Variants in ICE1 observed in about 807,000 individuals in gnomAD.
ICE1 encodes interactor of little elongation complex ELL subunit 1.
A neutral mutation model predicts 192.7 loss-of-function variants in ICE1; 64 were observed. That is an observed-to-expected ratio of 0.33 (90% CI 0.27 to 0.41). The LOEUF (loss-of-function observed/expected upper bound fraction) is 0.41. Among genes scored for constraint, ICE1 ranks in the 10% least tolerant of loss-of-function variants. The pLI, the probability that ICE1 is intolerant of heterozygous loss-of-function variation, is 1.00. For synonymous variants in ICE1, 1,010 were observed against 984.5 expected (o/e 1.03, Z -0.49); for missense variants, 2,708 against 2,696.0 (o/e 1.00, Z -0.10).
At chr5:5,441,731 T>G (rs1738059799) in intron 5 of ICE1, among the ~76,000 whole-genome samples, 1 of 152,180 alleles carries the variant, frequency 6.6e-6, no homozygotes, top group Non-Finnish European at 1.5e-5. Context: ...CCTACTCTCA[T>G]AATTCATAAA....
rs1738815762 is a variant in ICE1, at chr5:5,462,260, G to A, written c.2926G>A (p.Ala976Thr). The A allele has an allele frequency of 6.2e-7, 1 of 1,612,730 alleles. No individual in the cohort carries two copies. The highest frequency in any genetic ancestry group is 8.5e-7 in the Non-Finnish European group (1 of 1,179,138). Residue 976 changes from alanine (A) to threonine (T), a missense_variant, in exon 13 of 19, where the codon GCA becomes ACA. Ala to Thr is a moderately conservative substitution (Grantham distance 58, BLOSUM62 0). Transcript: ENST00000296564. ...IQNQDIVREA[A>T]VQGDGQKQRQ... ...AAACCAAGACATTGTGAGAGAAGCTGCAGTGCAGGGAGATGGGCAGAAGCA... is the reference window on the plus strand; with the variant it reads ...AAACCAAGACATTGTGAGAGAAGCTACAGTGCAGGGAGATGGGCAGAAGCA...
At position 5,486,811 on chromosome 5, in the gene ICE1, A is replaced by G; in HGVS notation, c.6611A>G (p.His2204Arg). ...ATTGGTATGTTTATACAGCATGCTCACGATGAAGGTAAAACTTACATCTAT... is the reference window on the plus strand; with the variant it reads ...ATTGGTATGTTTATACAGCATGCTCGCGATGAAGGTAAAACTTACATCTAT... Reference protein sequence around the residue: ...SVIGMFIQHAHDEDIPWGIQL... With the variant: ...SVIGMFIQHARDEDIPWGIQL... The change falls in exon 18 of 19, where the codon CAC (histidine) becomes CGC (arginine). Residue 2204 changes from histidine (H) to arginine (R), a missense_variant. By Grantham distance (29) the His-to-Arg change is conservative. This residue lies in a region of ICE1 where 342 missense variants were observed against 419.3 expected (regional missense o/e 0.82). Transcript: ENST00000296564. 14 of 1,589,148 alleles carry G rather than the reference A, an allele frequency of 8.8e-6. No homozygotes were observed. The highest frequency in any genetic ancestry group is 1.2e-5 in the Non-Finnish European group (14 of 1,165,554).
At chr5:5,451,137 A>C (rs535399534) in intron 10 of ICE1, among the ~76,000 whole-genome samples, 2 of 152,284 alleles carry the variant, frequency 1.3e-5, no homozygotes, top group African/African-American at 4.8e-5. Context: ...AACTTACCTA[A>C]TAACTAAACT....
At chr5:5,482,558 G>T (rs542886993) in intron 17 of ICE1, among the ~76,000 whole-genome samples, 1 of 152,204 alleles carries the variant, frequency 6.6e-6, no homozygotes, top group African/African-American at 2.4e-5. Flanking sequence ...TGCCACGTGT[G>T]CACAGGTGCA....
intron 7 of ICE1, among the ~76,000 whole-genome samples, chr5:5,445,006 T>A (rs1158743463): frequency 6.6e-6 from 1 of 152,214 alleles, no homozygotes; most frequent in Non-Finnish European, 1.5e-5. Flanking sequence ...ACAAAGGGGC[T>A]CTGCCAGATC....
chr5:5,480,778 G>A (rs1739481911), intron 17 of ICE1, among the ~76,000 whole-genome samples: 1 of 152,126 alleles, frequency 6.6e-6, no homozygotes, highest in Non-Finnish European at 1.5e-5. Context: ...TTACAAAGTA[G>A]ACACCAAATT....
intron 1 of ICE1, among the ~76,000 whole-genome samples, chr5:5,434,264 A>G (rs1002389514): frequency 6.6e-6 from 1 of 152,196 alleles, no homozygotes; most frequent in African/African-American, 2.4e-5. Context: ...CTTTTAAGAC[A>G]AAGACACCTG....
chr5:5,452,163 ATTTTT>A (rs952502832), intron 10 of ICE1, among the ~76,000 whole-genome samples: 1 of 133,124 alleles, frequency 7.5e-6, no homozygotes, highest in African/African-American at 2.8e-5. Context: ...TGTTTGTTCC[ATTTTT>A]TTTTTTTTTT....
Position 5,464,386 on chromosome 5 carries a change from G to T in ICE1, c.5052G>T (p.Trp1684Cys). The T allele has an allele frequency of 6.2e-7, 1 of 1,613,672 alleles. No homozygotes were observed. The highest frequency in any genetic ancestry group is 8.5e-7 in the Non-Finnish European group (1 of 1,179,848). The change falls in exon 13 of 19, where the codon TGG becomes TGT. Residue 1684 changes from tryptophan to cysteine, a missense_variant. Physicochemically the swap from Trp to Cys is radical, Grantham distance 215 (BLOSUM62 -2). Around this residue, in one of 2 missense-constraint regions of ICE1, gnomAD observed 2,366 missense variants for 2,276.6 expected, o/e 1.04. Coordinates refer to ENST00000296564, the MANE Select transcript of ICE1 (RefSeq NM_015325.3). This position sits in a 1 kb window ranked among gnomAD's most constrained non-coding sequence, Gnocchi z 4.0. ...CAGTGCCTCCTGCCATGTCTCCATG[G>T]CCAGAGGACCCCAGACGTGCCTCTC... ...ETPVPPAMSP[W>C]PEDPRRASPP...
chr5:5,463,452 G>A lies in ICE1; in HGVS notation c.4118G>A (p.Cys1373Tyr). The change falls in exon 13 of 19, where the codon TGC becomes TAC. Residue 1373 changes from cysteine (C) to tyrosine (Y), a missense_variant. Cys to Tyr is a radical substitution (Grantham distance 194). Coordinates refer to ENST00000296564, the MANE Select transcript of ICE1 (RefSeq NM_015325.3). ...LPEPVEPSAL[C>Y]SDSVMEPSIE... is the part of the protein sequence containing the mutation. ...GAACCTGTGGAGCCATCAGCCTTGT[G>A]CTCTGACTCTGTGATGGAGCCATCC... The A allele has an allele frequency of 6.2e-7, 1 of 1,612,806 alleles. No individual in the cohort carries two copies. Among genetic ancestry groups the A allele is most frequent in the South Asian group, 1.1e-5 (1 of 90,774 alleles).
At chr5:5,466,998 G>T (rs1225709144) in intron 14 of ICE1, among the ~76,000 whole-genome samples, 1 of 152,074 alleles carries the variant, frequency 6.6e-6, no homozygotes, top group Non-Finnish European at 1.5e-5. Context: ...ATCATTCTTT[G>T]CTGTATCAAA....
chr5:5,443,275 C>T (rs561882828), intron 6 of ICE1, 31 bp downstream of exon 6: 13 of 1,183,350 alleles, frequency 1.1e-5, no homozygotes, highest in Middle Eastern at 2.0e-4. Flanking sequence ...TATAGAAATA[C>T]GGTTTTCAGT....
chr5:5,428,405 G>C (rs1370370646), intron 1 of ICE1, among the ~76,000 whole-genome samples: 5 of 152,168 alleles, frequency 3.3e-5, no homozygotes, highest in Non-Finnish European at 7.3e-5. Context: ...GAGTCATGCT[G>C]AACAATTAGC....
At chr5:5,466,644 A>T (rs1357664427) in intron 14 of ICE1, 142 bp downstream of exon 14, 5 of 674,892 alleles carry the variant, frequency 7.4e-6, no homozygotes, top group Non-Finnish European at 1.2e-5. Context: ...CTTTAGCTAT[A>T]CCCAGCTGCA....
intron 18 of ICE1, among the ~76,000 whole-genome samples, chr5:5,488,160 G>C (rs779576857): frequency 2.0e-5 from 3 of 152,140 alleles, no homozygotes; most frequent in African/African-American, 7.2e-5. Flanking sequence ...TGTGGTTTAT[G>C]GGGGGGAGTA....
chr5:5,423,839 A>G (rs1737426470), intron 1 of ICE1, among the ~76,000 whole-genome samples: 1 of 152,240 alleles, frequency 6.6e-6, no homozygotes, highest in Admixed American at 6.5e-5. Flanking sequence ...AACTACAGAC[A>G]TTGTGGTGAA....
chr5:5,433,660 G>T (rs1326466153), intron 1 of ICE1, among the ~76,000 whole-genome samples: 1 of 152,142 alleles, frequency 6.6e-6, no homozygotes, highest in Admixed American at 6.5e-5. Flanking sequence ...AGTCCAGTAT[G>T]ACCTCATCTT....
At chr5:5,427,361 A>G (rs1324762188) in intron 1 of ICE1, among the ~76,000 whole-genome samples, 2 of 152,210 alleles carry the variant, frequency 1.3e-5, no homozygotes, top group Non-Finnish European at 2.9e-5. Flanking sequence ...ATGGTTAAGT[A>G]AAGTCTTAAG....
chr5:5,459,366 ATAATG>A (rs976755325), intron 12 of ICE1, among the ~76,000 whole-genome samples: 11 of 152,184 alleles, frequency 7.2e-5, no homozygotes, highest in African/African-American at 2.7e-4. Flanking sequence ...GTTTGGGAGA[ATAATG>A]TATAGAATGT....
Sources: allele counts gnomAD v4.1 joint callset (sites outside exome capture counted in the v4.1 genomes callset), GRCh38; gene constraint gnomAD v4.1.1; regional missense constraint gnomAD v4.1.1; non-coding constraint Gnocchi (gnomAD v3.1); transcripts MANE v1.5; gene names NCBI Gene and HGNC (gene_info 2026-07-23, HGNC 2026-07-21).